The following FLT1 variants were observed in gnomAD, a reference collection of about 807,000 sequenced individuals.
The protein encoded by FLT1 is vascular endothelial growth factor receptor 1.
A neutral mutation model predicts 156.3 loss-of-function variants in FLT1; 49 were observed. The ratio of observed to expected loss-of-function variants is 0.31; its 90% CI spans 0.25 to 0.40. The LOEUF (loss-of-function observed/expected upper bound fraction) is 0.40, where lower values mean the gene tolerates loss of function less well. FLT1 is among the 10% of genes least tolerant of loss of function. FLT1 has a pLI of 1.00. For synonymous variants in FLT1, 594 were observed against 583.8 expected (o/e 1.02, Z -0.25); for missense variants, 1,322 against 1,637.2 (o/e 0.81, Z 3.32).
chr13:28,447,543 A>G (rs1458115647), intron 3 of FLT1, among the ~76,000 whole-genome samples: 1 of 152,108 alleles, frequency 6.6e-6, no homozygotes, highest in East Asian at 1.9e-4. Flanking sequence ...CAAATATGGC[A>G]TTGGATTCTT....
rs777295392 is a variant in FLT1 at position 28,357,647 on chromosome 13, C to G, written c.2155G>C (p.Glu719Gln). 1.6e-5 allele frequency: 26 copies of G among 1,613,664 alleles called. No homozygotes were observed. The East Asian group carries it at 4.5e-4, about 28-fold the overall frequency. ...CCTTCATCCTCTTCTGTGACTCTTT[C>G]AATAAACAGCGTGCTGCTTCCTGGT... ...LGPGSSTLFI[E>Q]RVTEEDEGVY... The change falls in exon 15 of 30, where the codon GAA (glutamate) becomes CAA (glutamine). Residue 719 changes from glutamate (E) to glutamine (Q), a missense_variant. Coordinates refer to ENST00000282397, the MANE Select transcript of FLT1 (RefSeq NM_002019.4).
intron 28 of FLT1, among the ~76,000 whole-genome samples, chr13:28,307,879 C>G (rs1290686937): frequency 5.9e-5 from 9 of 152,164 alleles, no homozygotes; most frequent in African/African-American, 2.2e-4. Context: ...TCACGCCATT[C>G]TCCTGCCTCA....
intron 6 of FLT1, 145 bp from the exon 7 acceptor site, chr13:28,431,455 T>C: frequency 1.5e-6 from 1 of 673,734 alleles, no homozygotes; most frequent in Admixed American, 2.4e-5. Context: ...TAGAGCGTAA[T>C]GTTTGGAAAC....
At chr13:28,373,361 G>A (rs1873705047) in intron 14 of FLT1, among the ~76,000 whole-genome samples, 2 of 152,134 alleles carry the variant, frequency 1.3e-5, no homozygotes, top group African/African-American at 4.8e-5. Flanking sequence ...GAATGGGGAG[G>A]TGAACTTTCT....
At chr13:28,329,775 C>T (rs1361949469) in intron 18 of FLT1, 47 bp from the exon 19 acceptor site, 1 of 1,493,590 alleles carries the variant, frequency 6.7e-7, no homozygotes. Flanking sequence ...CAATGGGGCT[C>T]CTTCCGCCGG....
chr13:28,454,950 A>C (rs1206290292), intron 3 of FLT1, among the ~76,000 whole-genome samples: 1 of 152,200 alleles, frequency 6.6e-6, no homozygotes, highest in African/African-American at 2.4e-5. Context: ...CAAAATATAT[A>C]TAAGAATCTA....
intron 20 of FLT1, among the ~76,000 whole-genome samples, chr13:28,327,162 A>G (rs1024472748): frequency 6.6e-6 from 1 of 152,274 alleles, no homozygotes; most frequent in Non-Finnish European, 1.5e-5. Context: ...ACACATGCAC[A>G]CATATATAGG....
At chr13:28,331,867 AT>A (rs1871945253) in intron 18 of FLT1, among the ~76,000 whole-genome samples, 1 of 151,422 alleles carries the variant, frequency 6.6e-6, no homozygotes, top group Non-Finnish European at 1.5e-5. Flanking sequence ...AAAAAAAAAA[AT>A]AGGCATTTAT....
intron 10 of FLT1, among the ~76,000 whole-genome samples, chr13:28,411,915 A>G (rs1351701390): frequency 6.6e-6 from 1 of 151,634 alleles, no homozygotes; most frequent in African/African-American, 2.4e-5. Flanking sequence ...TCTTTTTTGG[A>G]TGATGAAATC....
Position 28,453,271 on chromosome 13 carries a change from G to A in FLT1, c.388+13632C>T, listed in dbSNP as rs561911956. Among the ~76,000 whole-genome samples the A allele has an allele frequency of 1.1e-4, 17 of 151,594 alleles. No individual in the cohort carries two copies. In the South Asian group the frequency reaches 3.6e-3, roughly 32 times the overall value. On this transcript the variant is annotated intron_variant, in intron 3 of 29. Coordinates refer to ENST00000282397, the MANE Select transcript of FLT1 (RefSeq NM_002019.4). ...CCCAAGAAGCTGGGATTACAGGCAT[G>A]TGCCACCACACCGGGCTAATTTTGT...
chr13:28,310,112 A>T (rs949026495), intron 27 of FLT1, among the ~76,000 whole-genome samples: 2 of 149,204 alleles, frequency 1.3e-5, no homozygotes, highest in Non-Finnish European at 3.0e-5. Flanking sequence ...CTGGTCTTGA[A>T]CTCCTGACCT....
chr13:28,328,509 C>T (rs1365266362), intron 19 of FLT1: 1 of 152,332 alleles, frequency 6.6e-6, no homozygotes, highest in Non-Finnish European at 1.5e-5. Context: ...AGCCCAGAAG[C>T]CACTAGTTCT....
chr13:28,317,104 C>T (rs193178165), intron 25 of FLT1, among the ~76,000 whole-genome samples: 2 of 152,380 alleles, frequency 1.3e-5, no homozygotes, highest in Admixed American at 1.3e-4. Flanking sequence ...GTCTAGCCCT[C>T]CATCCCTGGG....
intron 17 of FLT1, among the ~76,000 whole-genome samples, chr13:28,334,835 T>C (rs1442975628): frequency 6.6e-6 from 1 of 152,134 alleles, no homozygotes. Flanking sequence ...ACTGTTAATA[T>C]GTTTCTTTCC....
At chr13:28,339,896 G>C (rs1872266149) in intron 16 of FLT1, among the ~76,000 whole-genome samples, 1 of 152,186 alleles carries the variant, frequency 6.6e-6, no homozygotes, top group Admixed American at 6.5e-5. Context: ...TCCTGAGTGA[G>C]ACTGGAATAA....
intron 11 of FLT1, among the ~76,000 whole-genome samples, chr13:28,404,914 G>T (rs1172026273): frequency 1.3e-5 from 2 of 151,720 alleles, no homozygotes; most frequent in African/African-American, 4.8e-5. Context: ...CAGCTACTTG[G>T]GAGGCTGAGA....
chr13:28,461,035 G>A (rs1879547893), intron 3 of FLT1, among the ~76,000 whole-genome samples: 1 of 151,902 alleles, frequency 6.6e-6, no homozygotes, highest in Non-Finnish European at 1.5e-5. Flanking sequence ...ATTCACAGGT[G>A]CAATCACAGC....
At chr13:28,396,165 T>C (rs983668545) in intron 12 of FLT1, among the ~76,000 whole-genome samples, 1 of 152,368 alleles carries the variant, frequency 6.6e-6, no homozygotes, top group African/African-American at 2.4e-5. Flanking sequence ...GCCCCTGTGA[T>C]CTGACAACAC....
At chr13:28,372,342 A>G (rs1873642947) in intron 14 of FLT1, among the ~76,000 whole-genome samples, 1 of 149,110 alleles carries the variant, frequency 6.7e-6, no homozygotes, top group Non-Finnish European at 1.5e-5. Flanking sequence ...TCAGCCTCCC[A>G]AAGTGCTGGG....
Sources: gnomAD v4.1 joint callset for allele counts (sites outside exome capture counted in the v4.1 genomes callset) on GRCh38, gnomAD v4.1.1 for gene constraint, MANE v1.5 for transcripts, NCBI Gene and HGNC (gene_info 2026-07-23, HGNC 2026-07-21) for gene names.